Variants in TENM4 observed in about 807,000 individuals in gnomAD.
TENM4 encodes teneurin transmembrane protein 4.
In TENM4, 82 loss-of-function variants were observed where a neutral mutation model predicts 243.3. The observed-to-expected ratio is 0.34, with a 90% CI of 0.28 to 0.40. TENM4 has a LOEUF of 0.40. Ranked by LOEUF, TENM4 falls within the 10% of genes least tolerant of loss-of-function variation. The pLI, the probability that TENM4 is intolerant of heterozygous loss-of-function variation, is 1.00. For missense variants in TENM4, 3,138 were observed against 3,673.3 expected (o/e 0.85, Z 3.77); for synonymous variants, 1,412 against 1,456.3 (o/e 0.97, Z 0.69).
intron 30 of TENM4, among the ~76,000 whole-genome samples, chr11:78,673,276 TG>T (rs1448713728): frequency 6.6e-6 from 1 of 152,210 alleles, no homozygotes; most frequent in Non-Finnish European, 1.5e-5. Flanking sequence ...CTGTAGGCAT[TG>T]GTGGCCCCTG....
At chr11:79,138,080 T>C (rs543305534) in intron 4 of TENM4, among the ~76,000 whole-genome samples, 18 of 151,784 alleles carry the variant, frequency 1.2e-4, no homozygotes, top group Middle Eastern at 3.4e-3. Context: ...CACAATCTAA[T>C]CAGTTGCCAG....
chr11:79,410,975 A>G (rs1256865380), intron 1 of TENM4, among the ~76,000 whole-genome samples: 1 of 152,102 alleles, frequency 6.6e-6, no homozygotes, highest in East Asian at 1.9e-4. Flanking sequence ...ACACACATAC[A>G]AACACACACT....
intron 3 of TENM4, among the ~76,000 whole-genome samples, chr11:79,188,645 G>A (rs1053731312): frequency 2.6e-5 from 4 of 151,294 alleles, no homozygotes; most frequent in Non-Finnish European, 4.4e-5. Flanking sequence ...GAGAAGGGGA[G>A]CAAGCAGAAG....
At chr11:78,723,516 T>A (rs542475946) in intron 23 of TENM4, among the ~76,000 whole-genome samples, 2 of 152,226 alleles carry the variant, frequency 1.3e-5, no homozygotes, top group African/African-American at 4.8e-5. Flanking sequence ...AGCGACAGGC[T>A]TTTACCTGGC....
intron 1 of TENM4, among the ~76,000 whole-genome samples, chr11:79,412,802 A>T (rs569379472): frequency 1.3e-5 from 2 of 152,274 alleles, no homozygotes; most frequent in East Asian, 3.9e-4. Flanking sequence ...TTCTTCTCCT[A>T]TCTGCTCCCA....
At position 79,419,625 on chromosome 11, in the gene TENM4, G is replaced by GGGTC. The variant is rs1378523835; in HGVS notation, c.-321+20880_-321+20883dup. 1.5e-4 allele frequency among the ~76,000 whole-genome samples: 23 copies of GGGTC among 152,202 alleles called. 1 individual carries two copies. The highest frequency in any genetic ancestry group is 4.4e-5 in the Non-Finnish European group (3 of 68,020). On this transcript the variant is annotated intron_variant, in intron 1 of 33. Coordinates refer to ENST00000278550, the MANE Select transcript of TENM4 (RefSeq NM_001098816.3). ...CACTATGAGGCCAGTTACCAGCCAT[G>GGGTC]GGTCACGTTGCTTGACATTTCCTAG...
At chr11:78,757,907 T>C (rs1040387119) in intron 18 of TENM4, among the ~76,000 whole-genome samples, 2 of 152,220 alleles carry the variant, frequency 1.3e-5, no homozygotes, top group Non-Finnish European at 2.9e-5. Flanking sequence ...CTTTACCACA[T>C]GGATGGGCTT....
intron 1 of TENM4, among the ~76,000 whole-genome samples, chr11:79,418,481 T>C (rs2135585180): frequency 6.6e-6 from 1 of 152,366 alleles, no homozygotes; most frequent in East Asian, 1.9e-4. Context: ...AAGCTGGCTC[T>C]AAACGCCAAT....
chr11:78,834,142 C>G (rs1296176103), intron 12 of TENM4, among the ~76,000 whole-genome samples: 1 of 152,104 alleles, frequency 6.6e-6, no homozygotes, highest in Non-Finnish European at 1.5e-5. Flanking sequence ...TTTAGCACAC[C>G]TCCCCTTCCA....
intron 4 of TENM4, among the ~76,000 whole-genome samples, chr11:79,084,741 A>T (rs1284464435): frequency 2.6e-5 from 4 of 152,182 alleles, no homozygotes; most frequent in Non-Finnish European, 5.9e-5. Context: ...GGGTGTGGCT[A>T]TAAAAGAGGA....
chr11:78,784,643 C>T (rs1856898692), intron 16 of TENM4, among the ~76,000 whole-genome samples: 1 of 152,180 alleles, frequency 6.6e-6, no homozygotes, highest in Admixed American at 6.5e-5. Flanking sequence ...CAACCTTATT[C>T]TTATATTGTG....
chr11:78,730,363 G>A (rs1336556190), intron 21 of TENM4, among the ~76,000 whole-genome samples: 1 of 152,166 alleles, frequency 6.6e-6, no homozygotes, highest in Admixed American at 6.5e-5. Flanking sequence ...CAGACACTAC[G>A]AGATGTTGAC....
intron 2 of TENM4, among the ~76,000 whole-genome samples, chr11:79,275,481 C>T (rs901194042): frequency 8.5e-5 from 13 of 152,322 alleles, no homozygotes; most frequent in South Asian, 2.1e-4. Context: ...TGCTGCCCTG[C>T]GGCCTGCAAA....
chr11:78,852,411 A>G (rs893071505), intron 12 of TENM4, among the ~76,000 whole-genome samples: 13 of 152,218 alleles, frequency 8.5e-5, no homozygotes, highest in African/African-American at 2.7e-4. Flanking sequence ...GGGGCTGGGC[A>G]TGGTGGCTCA....
At chr11:79,049,706 G>A (rs1223124962) in intron 6 of TENM4, among the ~76,000 whole-genome samples, 8 of 152,184 alleles carry the variant, frequency 5.3e-5, no homozygotes, top group Admixed American at 2.0e-4. Flanking sequence ...ATTTCCTTCC[G>A]GGAGATTGGA....
chr11:78,863,874 T>A (rs1009845549), intron 9 of TENM4, among the ~76,000 whole-genome samples: 1 of 152,214 alleles, frequency 6.6e-6, no homozygotes, highest in Non-Finnish European at 1.5e-5. Context: ...ATGTACTAAA[T>A]GATGTACATA....
At chr11:79,015,573 A>T (rs1858752159) in intron 6 of TENM4, among the ~76,000 whole-genome samples, 1 of 152,096 alleles carries the variant, frequency 6.6e-6, no homozygotes, top group African/African-American at 2.4e-5. Context: ...TTCAATTAAA[A>T]CAACAGGTAA....
intron 4 of TENM4, among the ~76,000 whole-genome samples, chr11:79,138,924 TTCC>T (rs1333272651): frequency 6.5e-4 from 41 of 63,184 alleles, no homozygotes; most frequent in African/African-American, 4.0e-3. Flanking sequence ...TATATTACAT[TTCC>T]ATAAATATAT....
chr11:79,057,671 G>A (rs906722673), intron 6 of TENM4, among the ~76,000 whole-genome samples: 4 of 152,244 alleles, frequency 2.6e-5, no homozygotes, highest in African/African-American at 9.6e-5. Flanking sequence ...TGTCTGCTTT[G>A]GTCATTGCTG....
Sources: allele counts gnomAD v4.1 joint callset (sites outside exome capture counted in the v4.1 genomes callset), GRCh38; gene constraint gnomAD v4.1.1; transcripts MANE v1.5; gene names NCBI Gene and HGNC (gene_info 2026-07-23, HGNC 2026-07-21).